Variants in DTD1 observed in about 807,000 individuals in gnomAD.
The protein encoded by DTD1 is D-aminoacyl-tRNA deacylase 1, also known as D-tyrosyl-tRNA deacylase 1 homolog.
In DTD1, 13 loss-of-function variants were observed where a neutral mutation model predicts 25.6. The observed-to-expected ratio is 0.51, with a 90% CI of 0.33 to 0.81. The LOEUF is 0.81. DTD1 is among the 30% of genes least tolerant of loss of function. The pLI, the probability that DTD1 is intolerant of heterozygous loss-of-function variation, is 0.02. For synonymous variants in DTD1, 110 were observed against 103.6 expected (o/e 1.06, Z -0.37); for missense variants, 193 against 266.4 (o/e 0.72, Z 1.92).
At chr20:18,590,009 G>A (rs941248613) in intron 1 of DTD1, among the ~76,000 whole-genome samples, 2 of 152,172 alleles carry the variant, frequency 1.3e-5, no homozygotes, top group African/African-American at 4.8e-5. Context: ...TTAAAATGTG[G>A]CTGGTTTCAC....
intron 4 of DTD1, among the ~76,000 whole-genome samples, chr20:18,673,256 C>T (rs925169888): frequency 2.0e-5 from 3 of 152,158 alleles, no homozygotes; most frequent in Non-Finnish European, 4.4e-5. Flanking sequence ...ATATTTTGTA[C>T]CCACCTAAAC....
At chr20:18,695,547 TTC>T (rs2061071809) in intron 4 of DTD1, among the ~76,000 whole-genome samples, 2 of 32,568 alleles carry the variant, frequency 6.1e-5, no homozygotes, top group Non-Finnish European at 1.3e-4. Context: ...TTCCCTTCCC[TTC>T]CCTTCCCTTC....
intron 4 of DTD1, among the ~76,000 whole-genome samples, chr20:18,653,253 G>A: frequency 6.6e-6 from 1 of 152,134 alleles, no homozygotes; most frequent in East Asian, 1.9e-4. Flanking sequence ...AATTAGCTGG[G>A]TATTATGGCA....
intron 5 of DTD1, among the ~76,000 whole-genome samples, chr20:18,751,853 TG>T (rs200379555): frequency 2.4e-3 from 278 of 116,650 alleles, no homozygotes; most frequent in Middle Eastern, 4.4e-3. Flanking sequence ...TTTTTTTTTT[TG>T]TTGTTGTTGT....
intron 4 of DTD1, among the ~76,000 whole-genome samples, chr20:18,643,886 T>C (rs1410442439): frequency 6.6e-6 from 1 of 152,130 alleles, no homozygotes. Flanking sequence ...GTACATGCAC[T>C]TGTATGTGCA....
intron 4 of DTD1, among the ~76,000 whole-genome samples, chr20:18,699,468 G>A (rs978658262): frequency 3.9e-5 from 6 of 152,180 alleles, no homozygotes; most frequent in South Asian, 2.1e-4. Context: ...TGGGGTTTTC[G>A]CGTGATGCCA....
intron 5 of DTD1, among the ~76,000 whole-genome samples, chr20:18,755,264 A>G (rs886977035): frequency 6.6e-6 from 1 of 152,090 alleles, no homozygotes; most frequent in African/African-American, 2.4e-5. Context: ...TTATCATTCT[A>G]TGATTATTAT....
At chr20:18,634,039 A>G (rs982762403) in intron 4 of DTD1, among the ~76,000 whole-genome samples, 6 of 152,268 alleles carry the variant, frequency 3.9e-5, no homozygotes, top group African/African-American at 1.4e-4. Flanking sequence ...AAGCAGCAGC[A>G]GAACCAACTG....
At chr20:18,627,501 T>C (rs995159967) in intron 3 of DTD1, among the ~76,000 whole-genome samples, 1 of 152,238 alleles carries the variant, frequency 6.6e-6, no homozygotes, top group South Asian at 2.1e-4. Flanking sequence ...CCACCCTTGG[T>C]GTTACCAGAC....
At chr20:18,630,311 A>G (rs1448917006) in intron 4 of DTD1, 1 of 152,080 alleles carries the variant, frequency 6.6e-6, no homozygotes, top group African/African-American at 2.4e-5. Context: ...ATATAGTACT[A>G]TTATATTAAC....
At chr20:18,743,909 T>A (rs1324472880) in intron 4 of DTD1, among the ~76,000 whole-genome samples, 191 bp from the exon 5 acceptor site, 1 of 152,134 alleles carries the variant, frequency 6.6e-6, no homozygotes, top group Non-Finnish European at 1.5e-5. Flanking sequence ...ACTAATGATT[T>A]GTTTCAGTGA....
chr20:18,637,700 C>T (rs1338820449), intron 4 of DTD1, among the ~76,000 whole-genome samples: 1 of 152,152 alleles, frequency 6.6e-6, no homozygotes, highest in African/African-American at 2.4e-5. Context: ...AATGTGGAGG[C>T]TTCCATGGGC....
At chr20:18,677,233 A>T (rs1268195720) in intron 4 of DTD1, among the ~76,000 whole-genome samples, 1 of 152,136 alleles carries the variant, frequency 6.6e-6, no homozygotes, top group Non-Finnish European at 1.5e-5. Flanking sequence ...ACAGACCGAA[A>T]GAAAACATGC....
intron 4 of DTD1, among the ~76,000 whole-genome samples, chr20:18,661,371 C>CTTTTTTTTTTT (rs565601536): frequency 8.3e-6 from 1 of 120,212 alleles, no homozygotes; most frequent in Non-Finnish European, 1.7e-5. Context: ...GTCTTCTAGT[C>CTTTTTTTTTTT]TTTTTTTTTT....
At chr20:18,651,645 C>T (rs2060874430) in intron 4 of DTD1, among the ~76,000 whole-genome samples, 1 of 152,170 alleles carries the variant, frequency 6.6e-6, no homozygotes, top group Admixed American at 6.5e-5. Flanking sequence ...TAGGCTGAGC[C>T]CTGTGCAGCT....
At chr20:18,719,524 C>T (rs899073795) in intron 4 of DTD1, among the ~76,000 whole-genome samples, 11 of 152,168 alleles carry the variant, frequency 7.2e-5, no homozygotes, top group African/African-American at 2.7e-4. Context: ...TATGGCAAAC[C>T]TAGTGATTTT....
chr20:18,593,768 A>G lies in DTD1; in HGVS notation c.81A>G (p.Ile27Met), dbSNP rs2122241028. Residue 27 changes from isoleucine to methionine, a missense_variant, in exon 2 of 6, where the codon ATA (isoleucine) becomes ATG (methionine). Ile to Met is a conservative substitution (Grantham distance 10, BLOSUM62 1). Coordinates refer to ENST00000377452, the MANE Select transcript of DTD1 (RefSeq NM_080820.6). ...AGATTAGTGCCATTGGAAGGGGCAT[A>G]TGTGTGTTGCTGGGTATTTCCCTGG... is the stretch of plus-strand genomic sequence containing the variant. ...GEQISAIGRGICVLLGISLED... is the reference protein window; with the variant it reads ...GEQISAIGRGMCVLLGISLED... 2 of 1,614,056 alleles carry G rather than the reference A, an allele frequency of 1.2e-6. No individual in the cohort carries two copies. The highest frequency in any genetic ancestry group is 1.3e-5 in the African/African-American group (1 of 75,054).
intron 3 of DTD1, among the ~76,000 whole-genome samples, chr20:18,625,367 T>G (rs2060752985): frequency 6.6e-6 from 1 of 152,230 alleles, no homozygotes; most frequent in African/African-American, 2.4e-5. Flanking sequence ...GAGCTACTGG[T>G]CTCTGCCTAA....
At chr20:18,611,121 C>T (rs1434186239) in intron 3 of DTD1, 3 of 152,224 alleles carry the variant, frequency 2.0e-5, no homozygotes, top group African/African-American at 7.2e-5. Flanking sequence ...CCCAAGGGCC[C>T]CTTCCATCCT....
Sources: gnomAD v4.1 joint callset for allele counts (sites outside exome capture counted in the v4.1 genomes callset) on GRCh38, gnomAD v4.1.1 for gene constraint, MANE v1.5 for transcripts, NCBI Gene and HGNC (gene_info 2026-07-23, HGNC 2026-07-21) for gene names.